The following ZNF333 variants were observed in gnomAD, a reference collection of about 807,000 sequenced individuals.
The protein encoded by ZNF333 is zinc finger protein 333.
ZNF333 carries 61 observed loss-of-function variants against 76.1 expected under a neutral mutation model. That is an observed-to-expected ratio of 0.80 (90% CI 0.65 to 0.99). ZNF333 has a LOEUF of 0.99. ZNF333 is among the 50% of genes least tolerant of loss of function. ZNF333 has a pLI of 0.00. For missense variants in ZNF333, 717 were observed against 822.4 expected (o/e 0.87, Z 1.57); for synonymous variants, 284 against 305.0 (o/e 0.93, Z 0.72).
intron 5 of ZNF333, among the ~76,000 whole-genome samples, chr19:14,700,970 G>A (rs555762068): frequency 6.6e-6 from 1 of 152,272 alleles, no homozygotes; most frequent in South Asian, 2.1e-4. Context: ...AGCTTGGTGT[G>A]GGCTGCAGAT....
chr19:14,718,972 C>A lies in ZNF333; in HGVS notation c.1645C>A (p.Leu549Met). The change falls in exon 12 of 12, where the codon CTG (leucine) becomes ATG (methionine). Residue 549 changes from leucine to methionine, a missense_variant. By Grantham distance (15) the Leu-to-Met change is conservative. Transcript: ENST00000292530. Reference sequence around the variant, plus strand: ...TCAGGTCTTGAGTCGTCTTTCAACCCTGAAGAGTCACATGCGAACTCACAC... The same window carrying A: ...TCAGGTCTTGAGTCGTCTTTCAACCATGAAGAGTCACATGCGAACTCACAC... ...CGQVLSRLST[L>M]KSHMRTHTGE... is the part of the protein sequence containing the mutation. The A allele has an allele frequency of 6.2e-7, 1 of 1,614,094 alleles. No individual in the cohort carries two copies. The highest frequency in any genetic ancestry group is 1.7e-4 in the Middle Eastern group (1 of 6,058).
chr19:14,694,561 G>T (rs1380541478), intron 2 of ZNF333, among the ~76,000 whole-genome samples: 2 of 152,180 alleles, frequency 1.3e-5, no homozygotes, highest in African/African-American at 4.8e-5. Context: ...AGTCTTGGGG[G>T]ATCCCAGGGA....
chr19:14,696,841 C>G (rs1291020415), intron 4 of ZNF333, among the ~76,000 whole-genome samples: 1 of 146,964 alleles, frequency 6.8e-6, no homozygotes, highest in Non-Finnish European at 1.5e-5. Flanking sequence ...TGGGTTCAAG[C>G]GATTCTCCTG....
intron 9 of ZNF333, 77 bp from the exon 10 acceptor site, chr19:14,716,917 A>G: frequency 7.4e-7 from 1 of 1,359,020 alleles, no homozygotes; most frequent in East Asian, 2.5e-5. Context: ...AGAGCCCCTA[A>G]AGACTTGAGA....
At chr19:14,695,734 A>G in intron 4 of ZNF333, 73 bp downstream of exon 4, 1 of 1,341,020 alleles carries the variant, frequency 7.5e-7, no homozygotes, top group Admixed American at 1.8e-5. Flanking sequence ...TGTCAAGAGC[A>G]TTTTCAAAGG....
chr19:14,704,323 C>T (rs997365806), intron 5 of ZNF333, among the ~76,000 whole-genome samples: 1 of 152,044 alleles, frequency 6.6e-6, no homozygotes, highest in Non-Finnish European at 1.5e-5. Flanking sequence ...CTCGCTCTGT[C>T]GTCCAGGCTG....
exon 12 of ZNF333, chr19:14,731,363 T>A: frequency 1.6e-6 from 1 of 630,908 alleles, no homozygotes; most frequent in Non-Finnish European, 2.7e-6. Context: ...CCGGGCTCCT[T>A]AACTTCCGGC....
intron 4 of ZNF333, among the ~76,000 whole-genome samples, chr19:14,696,186 AG>A (rs1247245815): frequency 1.1e-4 from 16 of 152,292 alleles, no homozygotes; most frequent in Non-Finnish European, 2.1e-4. Flanking sequence ...AACAAAACAA[AG>A]CAAAAATTAG....
chr19:14,727,348 G>C (rs903001519), intron 11 of ZNF333, among the ~76,000 whole-genome samples: 4 of 152,160 alleles, frequency 2.6e-5, no homozygotes, highest in African/African-American at 9.7e-5. Context: ...GGTTTAATTG[G>C]CTCACTGTTT....
intron 7 of ZNF333, among the ~76,000 whole-genome samples, chr19:14,707,549 C>CTTTTTTT (rs751633025): frequency 4.3e-5 from 5 of 115,676 alleles, no homozygotes; most frequent in Non-Finnish European, 6.9e-5. Context: ...AGCTTTGTTT[C>CTTTTTTT]TTTTTTTTTT....
chr19:14,707,485 C>T (rs2042145203), intron 7 of ZNF333, among the ~76,000 whole-genome samples: 2 of 150,666 alleles, frequency 1.3e-5, no homozygotes, highest in South Asian at 4.2e-4. Flanking sequence ...AACATTTTAA[C>T]TTTAACAGTA....
intron 7 of ZNF333, among the ~76,000 whole-genome samples, chr19:14,712,006 A>T: frequency 6.6e-6 from 1 of 150,918 alleles, no homozygotes; most frequent in East Asian, 2.0e-4. Flanking sequence ...CAAAAAGAAA[A>T]GGCTCTATGT....
intron 7 of ZNF333, chr19:14,707,860 G>C (rs1201099515): frequency 2.5e-6 from 1 of 393,578 alleles, no homozygotes; most frequent in Non-Finnish European, 4.5e-6. Flanking sequence ...CATAAACTTT[G>C]TTTCTTAAAA....
At chr19:14,709,485 C>G (rs985053871) in intron 7 of ZNF333, among the ~76,000 whole-genome samples, 1 of 152,188 alleles carries the variant, frequency 6.6e-6, no homozygotes, top group Admixed American at 6.5e-5. Flanking sequence ...CCACATACCC[C>G]CTAGTCATGA....
intron 11 of ZNF333, among the ~76,000 whole-genome samples, chr19:14,727,380 AC>A (rs1056804207): frequency 6.6e-6 from 1 of 152,168 alleles, no homozygotes; most frequent in African/African-American, 2.4e-5. Context: ...CAAACATGGT[AC>A]CAACATCTGC....
At chr19:14,706,439 C>T in intron 6 of ZNF333, 4 of 510,068 alleles carry the variant, frequency 7.8e-6, no homozygotes, top group South Asian at 2.1e-5. Context: ...TCTGGAGCCT[C>T]CTTGGAGGGT....
Position 14,721,649 on chromosome 19 carries a change from AATT to A in ZNF333, c.*2325_*2327del, listed in dbSNP as rs2042589118. ...ATAGTCCATAGTCTGAATATACCAC[AATT>A]TAAAAATTCTATTCTGTTTACAAAC... On this transcript the variant is annotated 3_prime_UTR_variant, in exon 12 of 12. Coordinates refer to ENST00000292530, the MANE Select transcript of ZNF333 (RefSeq NM_032433.4). The A allele has an allele frequency of 6.6e-6, 1 of 152,210 alleles. No individual in the cohort carries two copies. The highest frequency in any genetic ancestry group is 1.5e-5 in the Non-Finnish European group (1 of 68,036). The allele number at this position is 152,210 out of a possible 1,614,324, so 9.4% of individuals were successfully genotyped here.
downstream of ZNF333, among the ~76,000 whole-genome samples, chr19:14,723,363 C>T (rs901821619): frequency 3.3e-5 from 5 of 152,078 alleles, no homozygotes; most frequent in Non-Finnish European, 5.9e-5. Context: ...GGTGTGAGAC[C>T]TCCAACTCTG....
intron 5 of ZNF333, among the ~76,000 whole-genome samples, chr19:14,703,497 G>A (rs74383412): frequency 0.03 from 4,530 of 152,274 alleles, 98 homozygotes; most frequent in East Asian, 0.093. Flanking sequence ...GTCTCAAAAT[G>A]TACCCGTGGG....
Sources: allele counts gnomAD v4.1 joint callset (sites outside exome capture counted in the v4.1 genomes callset), GRCh38; gene constraint gnomAD v4.1.1; transcripts MANE v1.5; gene names NCBI Gene and HGNC (gene_info 2026-07-23, HGNC 2026-07-21).